Variants in DCDC1 observed in about 807,000 individuals in gnomAD.
DCDC1 encodes doublecortin domain-containing protein 1.
A neutral mutation model predicts 178.3 loss-of-function variants in DCDC1; 200 were observed. That is an observed-to-expected ratio of 1.12 (90% CI 1.00 to 1.26). DCDC1 has a LOEUF of 1.26. Ranked by LOEUF, DCDC1 falls within the 50% of genes most tolerant of loss-of-function variation. The pLI, the probability that DCDC1 is intolerant of heterozygous loss-of-function variation, is 0.00. For missense variants in DCDC1, 1,983 were observed against 1,749.2 expected (o/e 1.13, Z -2.38); for synonymous variants, 690 against 604.8 (o/e 1.14, Z -2.07).
At position 31,007,347 on chromosome 11, in the gene DCDC1, C is replaced by T. The variant is rs954113265; in HGVS notation, c.2592-54779G>A. Among the ~76,000 whole-genome samples, 4 of 152,148 alleles carry T rather than the reference C, an allele frequency of 2.6e-5. No individual in the cohort carries two copies. The East Asian group carries it at 7.7e-4, about 29-fold the overall frequency. ...GAACTTCATTCTAAGGTAAAGCACA[C>T]TTGGAAGTAAGATTGCCTTGAAATG... On this transcript the variant is annotated intron_variant, in intron 20 of 38. Coordinates refer to ENST00000684477, the MANE Select transcript of DCDC1 (RefSeq NM_001387274.1).
At chr11:30,999,951 G>A (rs1184100078) in intron 20 of DCDC1, among the ~76,000 whole-genome samples, 1 of 152,066 alleles carries the variant, frequency 6.6e-6, no homozygotes, top group Non-Finnish European at 1.5e-5. Context: ...TAAGAATGAA[G>A]TCAACTATCT....
At chr11:31,011,272 C>T (rs546937257) in intron 20 of DCDC1, among the ~76,000 whole-genome samples, 2 of 152,194 alleles carry the variant, frequency 1.3e-5, no homozygotes, top group Non-Finnish European at 2.9e-5. Flanking sequence ...ATTTAAAAGA[C>T]ATTTAGCACA....
chr11:31,219,239 A>G (rs1429430529), intron 9 of DCDC1, among the ~76,000 whole-genome samples: 4 of 152,214 alleles, frequency 2.6e-5, no homozygotes, highest in African/African-American at 4.8e-5. Context: ...AAAATAGTAC[A>G]TGACCTGTAA....
rs12807366 is a variant in DCDC1 at position 30,947,784 on chromosome 11, A to C, written c.2715+4661T>G. Among the ~76,000 whole-genome samples, 32 of 152,284 alleles carry C rather than the reference A, an allele frequency of 2.1e-4. No individual in the cohort carries two copies. The East Asian group carries it at 6.2e-3, about 29-fold the overall frequency. On this transcript the variant is annotated intron_variant, in intron 21 of 38. Transcript: ENST00000684477. ...AATCAACAAAGTAAAGAGACAACCCACAGAATGGAAGAAAATATTTGCAAA... is the reference window on the plus strand; with the variant it reads ...AATCAACAAAGTAAAGAGACAACCCCCAGAATGGAAGAAAATATTTGCAAA...
chr11:31,187,063 C>G (rs758419255), intron 9 of DCDC1, among the ~76,000 whole-genome samples: 1 of 152,272 alleles, frequency 6.6e-6, no homozygotes, highest in South Asian at 2.1e-4. Flanking sequence ...CTGATATTTT[C>G]TTTAACTCCA....
chr11:30,975,299 A>G (rs1214465974), intron 20 of DCDC1, among the ~76,000 whole-genome samples: 3 of 152,106 alleles, frequency 2.0e-5, no homozygotes, highest in Non-Finnish European at 4.4e-5. Context: ...ATTACCTCTA[A>G]GAACTGGAGC....
At chr11:31,250,758 AT>A (rs35647764) in intron 8 of DCDC1, among the ~76,000 whole-genome samples, 42,685 of 142,278 alleles carry the variant, frequency 0.3, 7,122 homozygotes, top group East Asian at 0.61. Flanking sequence ...CATCCCTAAT[AT>A]TTTTTTTTTT....
chr11:31,309,357 G>T (rs774300459), intron 3 of DCDC1, among the ~76,000 whole-genome samples: 4 of 152,142 alleles, frequency 2.6e-5, no homozygotes, highest in Non-Finnish European at 4.4e-5. Flanking sequence ...GGCAAACAAC[G>T]CCTTGAAAGG....
intron 11 of DCDC1, among the ~76,000 whole-genome samples, chr11:31,114,248 T>TGGTATA (rs1959504947): frequency 6.6e-6 from 1 of 151,960 alleles, no homozygotes; most frequent in African/African-American, 2.4e-5. Context: ...TAAGAAAGGG[T>TGGTATA]ATGAAAGAGA....
chr11:30,906,796 T>C, intron 29 of DCDC1, 71 bp from the exon 30 acceptor site: 1 of 1,368,390 alleles, frequency 7.3e-7, no homozygotes. Context: ...TAGAACATTT[T>C]ACAATATAAA....
At chr11:31,107,786 T>G (rs1958945657) in intron 12 of DCDC1, among the ~76,000 whole-genome samples, 1 of 152,162 alleles carries the variant, frequency 6.6e-6, no homozygotes, top group East Asian at 1.9e-4. Flanking sequence ...TTCCTTGCTC[T>G]GCACTCCACC....
At chr11:31,031,460 T>C (rs1426288604) in intron 20 of DCDC1, among the ~76,000 whole-genome samples, 2 of 152,158 alleles carry the variant, frequency 1.3e-5, no homozygotes, top group Non-Finnish European at 2.9e-5. Flanking sequence ...GAGAGATTTA[T>C]TGTAATAACT....
At chr11:30,967,312 C>T (rs1242592490) in intron 20 of DCDC1, among the ~76,000 whole-genome samples, 1 of 150,512 alleles carries the variant, frequency 6.6e-6, no homozygotes, top group African/African-American at 2.5e-5. Context: ...TTGAAGAGGT[C>T]CTTCACATCC....
intron 29 of DCDC1, among the ~76,000 whole-genome samples, chr11:30,907,011 A>G (rs772794602): frequency 3.9e-5 from 6 of 152,222 alleles, no homozygotes; most frequent in Non-Finnish European, 7.3e-5. Flanking sequence ...CAAGAAATAT[A>G]CAAGACAATC....
intron 20 of DCDC1, among the ~76,000 whole-genome samples, chr11:30,994,791 A>G (rs1951168359): frequency 6.8e-6 from 1 of 146,350 alleles, no homozygotes; most frequent in Non-Finnish European, 1.5e-5. Flanking sequence ...TATAATAAAT[A>G]TATATGTATA....
intron 9 of DCDC1, among the ~76,000 whole-genome samples, chr11:31,165,468 C>T (rs988819288): frequency 2.6e-5 from 4 of 152,108 alleles, no homozygotes; most frequent in African/African-American, 7.2e-5. Context: ...CACATTACCA[C>T]GCTCAGCTAA....
intron 3 of DCDC1, among the ~76,000 whole-genome samples, chr11:31,315,381 A>G (rs1949028897): frequency 8.1e-6 from 1 of 123,282 alleles, no homozygotes; most frequent in Admixed American, 1.2e-4. Flanking sequence ...ACAGTGGTAC[A>G]GTCTCGGCTC....
At chr11:30,951,630 A>G (rs1948429409) in intron 21 of DCDC1, among the ~76,000 whole-genome samples, 1 of 152,146 alleles carries the variant, frequency 6.6e-6, no homozygotes, top group South Asian at 2.1e-4. Context: ...CACAAATCAT[A>G]TGATTGGATT....
chr11:30,907,501 T>C (rs1945147191), intron 29 of DCDC1, among the ~76,000 whole-genome samples: 1 of 152,184 alleles, frequency 6.6e-6, no homozygotes, highest in Non-Finnish European at 1.5e-5. Context: ...CTAACAAATG[T>C]GATGCAAGCA....
Sources: gnomAD v4.1 joint callset for allele counts (sites outside exome capture counted in the v4.1 genomes callset) on GRCh38, gnomAD v4.1.1 for gene constraint, MANE v1.5 for transcripts, NCBI Gene and HGNC (gene_info 2026-07-23, HGNC 2026-07-21) for gene names.